PLEKHG1: variants seen among roughly 807,000 people sequenced by gnomAD.
PLEKHG1 encodes the protein pleckstrin homology domain-containing family G member 1.
A neutral mutation model predicts 100.8 loss-of-function variants in PLEKHG1; 44 were observed. That is an observed-to-expected ratio of 0.44 (90% CI 0.34 to 0.56). PLEKHG1 has a LOEUF of 0.56. PLEKHG1 is among the 20% of genes least tolerant of loss of function. The pLI is 0.01. For synonymous variants in PLEKHG1, 640 were observed against 662.5 expected (o/e 0.97, Z 0.52); for missense variants, 1,545 against 1,720.9 (o/e 0.90, Z 1.81).
At chr6:150,612,385 T>G (rs762151960) in intron 1 of PLEKHG1, among the ~76,000 whole-genome samples, 17 of 152,180 alleles carry the variant, frequency 1.1e-4, no homozygotes, top group Non-Finnish European at 2.4e-4. Flanking sequence ...CAGGCTGGAG[T>G]GCAGTGGCAT....
chr6:150,805,520 A>G (rs1199116978), intron 7 of PLEKHG1, among the ~76,000 whole-genome samples: 3 of 149,076 alleles, frequency 2.0e-5, no homozygotes, highest in Admixed American at 6.7e-5. Context: ...CCAGCATGTC[A>G]TTTCGGTTTC....
At chr6:150,702,862 C>G (rs1361642519) in intron 3 of PLEKHG1, among the ~76,000 whole-genome samples, 1 of 152,286 alleles carries the variant, frequency 6.6e-6, no homozygotes, top group East Asian at 1.9e-4. Flanking sequence ...GAAGTTCCCC[C>G]ACTCTGTAGC....
chr6:150,769,528 C>T (rs1329860465), intron 3 of PLEKHG1, among the ~76,000 whole-genome samples: 1 of 145,704 alleles, frequency 6.9e-6, no homozygotes, highest in Non-Finnish European at 1.5e-5. Flanking sequence ...GTTGAGTGAG[C>T]CAAGACTGCA....
At chr6:150,635,822 A>G (rs903084363) in intron 1 of PLEKHG1, among the ~76,000 whole-genome samples, 1 of 152,196 alleles carries the variant, frequency 6.6e-6, no homozygotes. Flanking sequence ...ATAGAATTGC[A>G]GTGATCTGGC....
At chr6:150,748,620 T>TC (rs1330891117) in intron 2 of PLEKHG1, among the ~76,000 whole-genome samples, 5 of 146,780 alleles carry the variant, frequency 3.4e-5, no homozygotes, top group Admixed American at 1.4e-4. Flanking sequence ...TTGACCTTTT[T>TC]TTTTTTTTTT....
chr6:150,623,836 CTG>C (rs2128558363), intron 1 of PLEKHG1, among the ~76,000 whole-genome samples: 1 of 152,304 alleles, frequency 6.6e-6, no homozygotes, highest in African/African-American at 2.4e-5. Flanking sequence ...TTGGAGGTCA[CTG>C]TGCATGTGTA....
intron 3 of PLEKHG1, among the ~76,000 whole-genome samples, chr6:150,679,894 CG>C (rs773031198): frequency 2.6e-5 from 4 of 152,018 alleles, no homozygotes; most frequent in Admixed American, 1.3e-4. Flanking sequence ...GGAACTGAGG[CG>C]GGGGCAGAAA....
At chr6:150,782,238 T>C (rs981694099) in intron 3 of PLEKHG1, among the ~76,000 whole-genome samples, 1 of 151,946 alleles carries the variant, frequency 6.6e-6, no homozygotes, top group African/African-American at 2.4e-5. Context: ...GCCAACATGG[T>C]GAAACCCTGT....
intron 7 of PLEKHG1, among the ~76,000 whole-genome samples, chr6:150,807,504 C>T (rs2128668174): frequency 1.3e-5 from 2 of 152,284 alleles, no homozygotes; most frequent in Non-Finnish European, 2.9e-5. Context: ...TGAATATTTT[C>T]ATTTTTCAAA....
chr6:150,684,182 G>A lies in PLEKHG1; in HGVS notation c.-99+33396G>A, dbSNP rs548834129. Among the ~76,000 whole-genome samples the A allele has an allele frequency of 2.6e-5, 4 of 152,302 alleles. No homozygotes were observed. The South Asian group carries it at 8.3e-4, about 32-fold the overall frequency. On this transcript the variant is annotated intron_variant, in intron 3 of 3. Transcript: ENST00000367326. The stretch of plus-strand genomic sequence containing the variant: ...CTGACAATGTAAGCAAATGTGGAAA[G>A]CGTTAGAAAATGCAGGCTCCCTGGC...
At position 150,638,863 on chromosome 6, in the gene PLEKHG1, T is replaced by C. The variant is rs185808101; in HGVS notation, c.-158+738T>C. ...GAATTATATAACCTGGATGCATTCC[T>C]GAAATTTCTTTGTGGTTTGGCTTCA... On this transcript the variant is annotated intron_variant, in intron 2 of 3. Transcript: ENST00000367326. Among the ~76,000 whole-genome samples the C allele has an allele frequency of 1.6e-4, 25 of 152,352 alleles. No individual in the cohort carries two copies. The East Asian group carries it at 4.8e-3, about 29-fold the overall frequency.
chr6:150,697,108 A>AAAG (rs1554260990), intron 3 of PLEKHG1, among the ~76,000 whole-genome samples: 34 of 147,230 alleles, frequency 2.3e-4, no homozygotes, highest in African/African-American at 8.3e-4. Flanking sequence ...AGAAAAAAAA[A>AAAG]AAGAAGAAGA....
chr6:150,603,126 T>C (rs1776437214), intron 1 of PLEKHG1, among the ~76,000 whole-genome samples: 1 of 149,918 alleles, frequency 6.7e-6, no homozygotes, highest in African/African-American at 2.4e-5. Flanking sequence ...TTATAATCCC[T>C]TGTCTCTTTT....
intron 13 of PLEKHG1, among the ~76,000 whole-genome samples, chr6:150,821,911 G>A (rs142338084): frequency 0.046 from 6,796 of 149,114 alleles, 504 homozygotes; most frequent in African/African-American, 0.16. Context: ...GCGCGATCTC[G>A]GCTCACCTCA....
upstream of PLEKHG1, among the ~76,000 whole-genome samples, chr6:150,717,448 G>A (rs1276116304): frequency 6.6e-6 from 1 of 152,138 alleles, no homozygotes; most frequent in African/African-American, 2.4e-5. Context: ...CCAAAGTGCT[G>A]GAATTACAGA....
intron 2 of PLEKHG1, among the ~76,000 whole-genome samples, chr6:150,757,913 G>T (rs57621942): frequency 0.36 from 54,324 of 151,766 alleles, 11,716 homozygotes; most frequent in African/African-American, 0.59. Context: ...TCCATGTGTT[G>T]TTCAGCTCCC....
In PLEKHG1 at chr6:150,600,078, G is replaced by C; in HGVS notation, c.-204+61G>C. Reference sequence around the variant, plus strand: ...TTTCCAGGGATGGGAGGGGGGACCCGGGGACCTCCGGCGGGAGCCCCACAT... The same window carrying C: ...TTTCCAGGGATGGGAGGGGGGACCCCGGGACCTCCGGCGGGAGCCCCACAT... On this transcript the variant is annotated intron_variant, in intron 1 of 3. Coordinates refer to the PLEKHG1 transcript ENST00000367326. This position sits in a 1 kb window ranked among gnomAD's most constrained non-coding sequence, Gnocchi z 6.2. 1 of 181,858 alleles carries C rather than the reference G, an allele frequency of 5.5e-6. No homozygotes were observed. The highest frequency in any genetic ancestry group is 1.2e-5 in the Non-Finnish European group (1 of 83,182). 11.3% of individuals were successfully genotyped at this position (181,858 alleles called of 1,614,324 possible). A position where few individuals can be genotyped will look rare whatever the true frequency, so the allele number is the denominator to read the frequency against.
exon 16 of PLEKHG1, chr6:150,840,945 A>G: frequency 7.2e-7 from 1 of 1,382,220 alleles, no homozygotes; most frequent in Non-Finnish European, 1.0e-6. Context: ...TGCTCATAAA[A>G]CGTTACAGAT....
exon 1 of PLEKHG1, chr6:150,599,960 C>G: frequency 4.4e-6 from 1 of 228,824 alleles, no homozygotes; most frequent in South Asian, 4.1e-5. Flanking sequence ...GCGCAGCCCG[C>G]ACCCTCCCCG....
Sources: gnomAD v4.1 joint callset for allele counts (sites outside exome capture counted in the v4.1 genomes callset) on GRCh38, gnomAD v4.1.1 for gene constraint, Gnocchi (gnomAD v3.1) non-coding constraint, MANE v1.5 for transcripts, NCBI Gene and HGNC (gene_info 2026-07-23, HGNC 2026-07-21) for gene names.